The following COL4A2 variants were observed in gnomAD, a reference collection of about 807,000 sequenced individuals.
COL4A2 encodes the protein collagen type IV alpha 2 chain.
A neutral mutation model predicts 200.2 loss-of-function variants in COL4A2; 99 were observed. The observed-to-expected ratio is 0.49, with a 90% CI of 0.42 to 0.58. The LOEUF (loss-of-function observed/expected upper bound fraction) is 0.58, where lower values mean the gene tolerates loss of function less well. Ranked by LOEUF, COL4A2 falls within the 20% of genes least tolerant of loss-of-function variation. The pLI is 0.00. For synonymous variants in COL4A2, 897 were observed against 900.6 expected, an observed-to-expected ratio of 1.00 and a Z score of 0.07; for missense variants, 1,950 against 2,314.1, an observed-to-expected ratio of 0.84 and a Z score of 3.23.
intron 4 of COL4A2, among the ~76,000 whole-genome samples, chr13:110,373,009 G>A (rs1336068343): frequency 6.6e-6 from 1 of 152,236 alleles, no homozygotes; most frequent in Non-Finnish European, 1.5e-5. Context: ...ATGTGGTTTA[G>A]TGACTAAACA....
intron 4 of COL4A2, among the ~76,000 whole-genome samples, chr13:110,393,398 C>A (rs78368565): frequency 0.093 from 14,094 of 152,112 alleles, 1,030 homozygotes; most frequent in East Asian, 0.37. Context: ...TGTTAGGACT[C>A]CTATTTTTAT....
chr13:110,347,189 C>T (rs564981290), intron 3 of COL4A2, among the ~76,000 whole-genome samples: 19 of 152,330 alleles, frequency 1.2e-4, no homozygotes, highest in African/African-American at 3.8e-4. Context: ...CCAGGCCCAC[C>T]CATGCTCTGA....
intron 3 of COL4A2, among the ~76,000 whole-genome samples, chr13:110,332,409 G>C (rs1333293352): frequency 6.6e-6 from 1 of 152,218 alleles, no homozygotes; most frequent in African/African-American, 2.4e-5. Flanking sequence ...GTTTCGGTCA[G>C]AGATTCAAAT....
intron 4 of COL4A2, among the ~76,000 whole-genome samples, chr13:110,360,782 G>C (rs926785569): frequency 6.6e-6 from 1 of 152,136 alleles, no homozygotes; most frequent in Non-Finnish European, 1.5e-5. Context: ...AGAGGCAAAC[G>C]ATACCCGCCC....
At chr13:110,383,962 A>G (rs535627038) in intron 4 of COL4A2, among the ~76,000 whole-genome samples, 15 of 152,288 alleles carry the variant, frequency 9.8e-5, no homozygotes, top group African/African-American at 3.4e-4. Context: ...GCACTTGGCC[A>G]CTGAGAGGTG....
intron 4 of COL4A2, among the ~76,000 whole-genome samples, chr13:110,423,569 C>G (rs4517640): frequency 6.6e-6 from 1 of 152,102 alleles, no homozygotes; most frequent in South Asian, 2.1e-4. Context: ...TGCATAACAT[C>G]GAAATTACCT....
At chr13:110,395,663 G>A (rs1475375502) in intron 4 of COL4A2, among the ~76,000 whole-genome samples, 1 of 152,194 alleles carries the variant, frequency 6.6e-6, no homozygotes, top group African/African-American at 2.4e-5. Context: ...GTCCATTTCT[G>A]GCAGGGCGCA....
At chr13:110,466,335 C>T (rs1231220272) in intron 26 of COL4A2, among the ~76,000 whole-genome samples, 2 of 152,114 alleles carry the variant, frequency 1.3e-5, no homozygotes, top group Non-Finnish European at 1.5e-5. Context: ...TCCACAGGCA[C>T]GTGTGCTGCC....
Position 110,512,473 on chromosome 13 carries a change from C to T in COL4A2, c.*282C>T, listed in dbSNP as rs1884122727. On this transcript the variant is annotated 3_prime_UTR_variant, in exon 48 of 48. Transcript: ENST00000360467. ...CCTGAAGGCACAGCTAACCACTTCG[C>T]ACACACCCATGTAACCACTGCACTT... is the stretch of plus-strand genomic sequence containing the variant. 2 of 509,130 alleles carry T rather than the reference C, an allele frequency of 3.9e-6. No homozygotes were observed. Among genetic ancestry groups the T allele is most frequent in the Admixed American group, 3.6e-5 (1 of 27,590 alleles). The allele number at this position is 509,130 out of a possible 1,614,324, so 31.5% of individuals were successfully genotyped here. A position where few individuals can be genotyped will look rare whatever the true frequency, so the allele number is the denominator to read the frequency against.
At chr13:110,362,573 A>G (rs1457029943) in intron 4 of COL4A2, among the ~76,000 whole-genome samples, 7 of 151,700 alleles carry the variant, frequency 4.6e-5, no homozygotes, top group African/African-American at 1.7e-4. Flanking sequence ...TGCCCACCTC[A>G]GCCTCCCAAA....
At chr13:110,425,050 T>TA in intron 6 of COL4A2, 53 bp downstream of exon 6, 2 of 1,495,542 alleles carry the variant, frequency 1.3e-6, no homozygotes, top group South Asian at 2.3e-5. Flanking sequence ...TCCTAGGCAA[T>TA]ACATTTTGTG....
Position 110,307,805 on chromosome 13 carries a change from A to C in COL4A2, c.-44-55A>C. The stretch of plus-strand genomic sequence containing the variant: ...GTCTCGCGGACCGAGACCGGCGGTG[A>C]GGATGGGCTGCCTCCCTCATCCTGC... On this transcript the variant is annotated intron_variant, in intron 1 of 47. Transcript: ENST00000360467. This position sits in a 1 kb window ranked among gnomAD's most constrained non-coding sequence, Gnocchi z 5.0. 6.9e-7 allele frequency: 1 copy of C among 1,452,072 alleles called. No individual in the cohort carries two copies. Among genetic ancestry groups the C allele is most frequent in the South Asian group, 1.4e-5 (1 of 73,246 alleles). The allele number at this position is 1,452,072 out of a possible 1,614,324, so 89.9% of individuals were successfully genotyped here. A position where few individuals can be genotyped will look rare whatever the true frequency, so the allele number is the denominator to read the frequency against.
At chr13:110,403,757 T>C (rs946325084) in intron 4 of COL4A2, among the ~76,000 whole-genome samples, 2 of 152,234 alleles carry the variant, frequency 1.3e-5, no homozygotes, top group African/African-American at 4.8e-5. Context: ...TTTTAAGTAT[T>C]TGTTACCCCA....
At chr13:110,456,528 C>T (rs1462148817) in intron 20 of COL4A2, 1 of 352,674 alleles carries the variant, frequency 2.8e-6, no homozygotes, top group African/African-American at 2.1e-5. Context: ...AATTGTTATC[C>T]CTATAGTTTA....
intron 4 of COL4A2, among the ~76,000 whole-genome samples, chr13:110,394,245 CTG>C (rs1437073011): frequency 6.6e-6 from 1 of 152,202 alleles, no homozygotes; most frequent in Non-Finnish European, 1.5e-5. Context: ...CTGTTTTGCT[CTG>C]TGTGTGCGTG....
At chr13:110,457,514 C>A in intron 21 of COL4A2, 79 bp downstream of exon 21, 1 of 814,852 alleles carries the variant, frequency 1.2e-6, no homozygotes, top group Non-Finnish European at 2.1e-6. Context: ...TGAAATCCAT[C>A]CCCCACTCAC....
At chr13:110,425,434 G>A (rs1301770224) in intron 6 of COL4A2, among the ~76,000 whole-genome samples, 1 of 152,224 alleles carries the variant, frequency 6.6e-6, no homozygotes, top group Non-Finnish European at 1.5e-5. Context: ...AAAACAAAAG[G>A]CATGGTTTGT....
intron 35 of COL4A2, 98 bp from the exon 36 acceptor site, chr13:110,489,613 A>G (rs531116279): frequency 6.3e-6 from 10 of 1,593,408 alleles, no homozygotes; most frequent in African/African-American, 5.4e-5. Context: ...TTTTAAAACA[A>G]ATTATTCTTG....
chr13:110,381,202 C>A (rs952832972), intron 4 of COL4A2, among the ~76,000 whole-genome samples: 6 of 151,336 alleles, frequency 4.0e-5, no homozygotes, highest in African/African-American at 1.2e-4. Flanking sequence ...CTATCTCATA[C>A]CCACAGGTTC....
Sources: gnomAD v4.1 joint callset for allele counts (sites outside exome capture counted in the v4.1 genomes callset) on GRCh38, gnomAD v4.1.1 for gene constraint, Gnocchi (gnomAD v3.1) non-coding constraint, MANE v1.5 for transcripts, NCBI Gene and HGNC (gene_info 2026-07-23, HGNC 2026-07-21) for gene names.